Variants in SIPA1L1 observed in about 807,000 individuals in gnomAD.
The protein encoded by SIPA1L1 is signal induced proliferation associated 1 like 1.
SIPA1L1 carries 26 observed loss-of-function variants against 162.7 expected under a neutral mutation model. That is an observed-to-expected ratio of 0.16 (90% CI 0.12 to 0.22). The LOEUF is 0.22. Among genes scored for constraint, SIPA1L1 ranks in the 10% least tolerant of loss-of-function variants. The pLI is 1.00. For missense variants in SIPA1L1, 1,874 were observed against 2,241.0 expected (o/e 0.84, Z 3.31); for synonymous variants, 829 against 837.4 (o/e 0.99, Z 0.17).
intron 2 of SIPA1L1, chr14:71,467,142 A>G (rs2047063551): frequency 6.6e-6 from 1 of 152,182 alleles, no homozygotes; most frequent in Non-Finnish European, 1.5e-5. Context: ...GTCAGCATTA[A>G]TTACTGTCGC....
chr14:71,433,077 A>G (rs2140997727), intron 2 of SIPA1L1, among the ~76,000 whole-genome samples: 1 of 152,302 alleles, frequency 6.6e-6, no homozygotes, highest in African/African-American at 2.4e-5. Flanking sequence ...ATAGGTGAGA[A>G]TGGATATTTA....
intron 2 of SIPA1L1, among the ~76,000 whole-genome samples, chr14:71,453,996 CAAAAAAAAAAAAAAAAAAA>C (rs751420064): frequency 2.6e-5 from 2 of 76,558 alleles, no homozygotes; most frequent in African/African-American, 1.3e-4. Context: ...GAGATTGTTT[CAAAAAAAAAAAAAAAAAAA>C]AAAAAAAAAA....
chr14:71,519,426 A>G (rs901996622), intron 3 of SIPA1L1, among the ~76,000 whole-genome samples: 3 of 152,342 alleles, frequency 2.0e-5, no homozygotes, highest in South Asian at 2.1e-4. Flanking sequence ...CCCAATAACA[A>G]TGAACATATC....
chr14:71,719,156 C>G (rs2083493711), intron 17 of SIPA1L1, among the ~76,000 whole-genome samples: 1 of 152,058 alleles, frequency 6.6e-6, no homozygotes, highest in South Asian at 2.1e-4. Context: ...CCAGGCTGGT[C>G]TCAAACTCCT....
At chr14:71,657,959 G>A (rs2043201716) in intron 8 of SIPA1L1, among the ~76,000 whole-genome samples, 1 of 152,084 alleles carries the variant, frequency 6.6e-6, no homozygotes, top group African/African-American at 2.4e-5. Context: ...TCTCAAGAGT[G>A]TTTGTGCTCA....
At chr14:71,724,605 C>A in intron 18 of SIPA1L1, 65 bp from the exon 19 acceptor site, 1 of 1,299,238 alleles carries the variant, frequency 7.7e-7, no homozygotes, top group Non-Finnish European at 1.1e-6. Flanking sequence ...TCCTTTAGAG[C>A]CCATCATGCC....
chr14:71,629,159 G>A (rs181231939), intron 7 of SIPA1L1, among the ~76,000 whole-genome samples: 54 of 152,156 alleles, frequency 3.5e-4, no homozygotes, highest in Admixed American at 1.7e-3. Flanking sequence ...GGATAATCTC[G>A]ATCTCCTGAC....
At chr14:71,394,547 A>G in intron 2 of SIPA1L1, among the ~76,000 whole-genome samples, 1 of 152,306 alleles carries the variant, frequency 6.6e-6, no homozygotes, top group East Asian at 1.9e-4. Context: ...CTTTTCACCT[A>G]TTCTCCAGCC....
At chr14:71,738,956 A>G in intron 23 of SIPA1L1, 62 bp from the exon 24 acceptor site, 2 of 1,561,252 alleles carry the variant, frequency 1.3e-6, no homozygotes, top group South Asian at 1.2e-5. Context: ...GCTATTACTC[A>G]GAAGAGCTGG....
intron 2 of SIPA1L1, among the ~76,000 whole-genome samples, chr14:71,500,064 A>G (rs1159285232): frequency 1.3e-5 from 2 of 152,324 alleles, no homozygotes; most frequent in African/African-American, 4.8e-5. Flanking sequence ...TAGTCTAAAC[A>G]TTCCTTTTTT....
intron 2 of SIPA1L1, among the ~76,000 whole-genome samples, chr14:71,485,398 C>T (rs146313850): frequency 1.4e-3 from 209 of 152,306 alleles, no homozygotes; most frequent in Non-Finnish European, 2.5e-3. Context: ...TACAGCTGCT[C>T]CCCATTGCCC....
intron 2 of SIPA1L1, among the ~76,000 whole-genome samples, chr14:71,485,603 G>A (rs1297832594): frequency 2.0e-5 from 3 of 151,868 alleles, no homozygotes; most frequent in Non-Finnish European, 4.4e-5. Context: ...AACCTGCTTA[G>A]GGCTCCCACT....
intron 4 of SIPA1L1, among the ~76,000 whole-genome samples, chr14:71,541,318 A>G (rs2054359373): frequency 6.6e-6 from 1 of 152,202 alleles, no homozygotes; most frequent in Non-Finnish European, 1.5e-5. Flanking sequence ...TGACTAATGT[A>G]AGGATTCTAA....
At chr14:71,422,258 G>A (rs2043240859) in intron 2 of SIPA1L1, among the ~76,000 whole-genome samples, 1 of 152,096 alleles carries the variant, frequency 6.6e-6, no homozygotes, top group Non-Finnish European at 1.5e-5. Context: ...TCTTCCATTT[G>A]ATTAGACCTT....
intron 2 of SIPA1L1, among the ~76,000 whole-genome samples, chr14:71,410,380 G>A (rs1193904406): frequency 6.6e-6 from 1 of 152,166 alleles, no homozygotes; most frequent in African/African-American, 2.4e-5. Context: ...ATTTGGTAGA[G>A]TGGTGGATGT....
chr14:71,547,483 AG>A (rs894139173), intron 4 of SIPA1L1, among the ~76,000 whole-genome samples: 10 of 151,688 alleles, frequency 6.6e-5, no homozygotes, highest in African/African-American at 2.4e-4. Context: ...TAGTAGAGAC[AG>A]GGTTTCACTG....
chr14:71,537,010 T>G (rs1369039234), intron 4 of SIPA1L1, among the ~76,000 whole-genome samples: 3 of 151,428 alleles, frequency 2.0e-5, no homozygotes, highest in Non-Finnish European at 4.4e-5. Flanking sequence ...AACTCTTGTC[T>G]TCTTATGCAC....
chr14:71,700,393 A>G (rs1421286471), intron 14 of SIPA1L1, among the ~76,000 whole-genome samples: 1 of 152,198 alleles, frequency 6.6e-6, no homozygotes, highest in Non-Finnish European at 1.5e-5. Flanking sequence ...CATGATTAGA[A>G]TCCATTTCTA....
chr14:71,559,268 A>C (rs1412537676), intron 4 of SIPA1L1, among the ~76,000 whole-genome samples: 1 of 152,016 alleles, frequency 6.6e-6, no homozygotes, highest in Admixed American at 6.5e-5. Context: ...TGGTTTCGCC[A>C]TGTTGGCCAG....
Sources: gnomAD v4.1 joint callset for allele counts (sites outside exome capture counted in the v4.1 genomes callset) on GRCh38, gnomAD v4.1.1 for gene constraint, MANE v1.5 for transcripts, NCBI Gene and HGNC (gene_info 2026-07-23, HGNC 2026-07-21) for gene names.